FREM1: variants seen among roughly 807,000 people sequenced by gnomAD.
The protein encoded by FREM1 is FRAS1 related extracellular matrix 1, also known as FRAS1-related extracellular matrix protein 1.
In FREM1, 220 loss-of-function variants were observed where a neutral mutation model predicts 210.1. The ratio of observed to expected loss-of-function variants is 1.05; its 90% confidence interval spans 0.94 to 1.17. The LOEUF is 1.17. FREM1 is among the 50% of genes most tolerant of loss of function. The pLI, the probability that FREM1 is intolerant of heterozygous loss-of-function variation, is 0.00. For synonymous variants in FREM1, 1,189 were observed against 980.2 expected (o/e 1.21, Z -3.98); for missense variants, 3,454 against 2,675.5 (o/e 1.29, Z -6.42).
Position 14,790,256 on chromosome 9 carries a change from C to G in FREM1, c.3982-1142G>C, listed in dbSNP as rs193110178. 1.8e-3 allele frequency among the ~76,000 whole-genome samples: 269 copies of G among 152,216 alleles called. 1 individual carries two copies. Among genetic ancestry groups the G allele is most frequent in the Non-Finnish European group, 2.9e-3 (195 of 68,014 alleles). The stretch of plus-strand genomic sequence containing the variant: ...CCTGGCAAAAGAGCTTTGTCCTCCT[C>G]TCTTGCCATTGTGCTACCACTTGCC... On this transcript the variant is annotated intron_variant, in intron 22 of 36. Transcript: ENST00000380880.
chr9:14,806,115 G>T (rs1216129036), intron 18 of FREM1, among the ~76,000 whole-genome samples: 1 of 152,124 alleles, frequency 6.6e-6, no homozygotes, highest in Non-Finnish European at 1.5e-5. Context: ...TTTTCCATAA[G>T]TAAAATTCCA....
At chr9:14,895,474 G>C (rs1588640630) in intron 1 of FREM1, among the ~76,000 whole-genome samples, 1 of 152,154 alleles carries the variant, frequency 6.6e-6, no homozygotes, top group Non-Finnish European at 1.5e-5. Flanking sequence ...AAGAAGGATG[G>C]GTAATGTAAA....
At chr9:14,745,162 G>A (rs1426633199) in intron 35 of FREM1, among the ~76,000 whole-genome samples, 5 of 152,108 alleles carry the variant, frequency 3.3e-5, no homozygotes, top group Admixed American at 6.6e-5. Flanking sequence ...TCACTAATGA[G>A]TAATAGGCTT....
chr9:14,895,462 A>G (rs922902270), intron 1 of FREM1, among the ~76,000 whole-genome samples: 4 of 152,174 alleles, frequency 2.6e-5, no homozygotes, highest in Non-Finnish European at 5.9e-5. Flanking sequence ...CTCAGAAGAA[A>G]CAAGAAGGAT....
chr9:14,898,498 T>C (rs889943073), intron 1 of FREM1, among the ~76,000 whole-genome samples: 1 of 152,154 alleles, frequency 6.6e-6, no homozygotes, highest in Non-Finnish European at 1.5e-5. Flanking sequence ...TTCCAGCATT[T>C]TGGGAGGCTG....
intron 20 of FREM1, among the ~76,000 whole-genome samples, chr9:14,798,683 A>AT (rs201562478): frequency 0.021 from 3,141 of 151,896 alleles, 57 homozygotes; most frequent in South Asian, 0.036. Flanking sequence ...AATAATAACA[A>AT]TTTTTTTTGT....
chr9:14,830,476 T>C (rs1447470184), intron 10 of FREM1, among the ~76,000 whole-genome samples: 1 of 152,176 alleles, frequency 6.6e-6, no homozygotes, highest in Non-Finnish European at 1.5e-5. Flanking sequence ...TGAGAACACT[T>C]TATTTCTCAA....
At chr9:14,750,956 T>C (rs751436432) in intron 29 of FREM1, among the ~76,000 whole-genome samples, 4 of 152,162 alleles carry the variant, frequency 2.6e-5, no homozygotes, top group Non-Finnish European at 5.9e-5. Context: ...GAACTTAATA[T>C]TATACAAAAC....
intron 13 of FREM1, among the ~76,000 whole-genome samples, chr9:14,822,547 T>G (rs1420172046): frequency 1.3e-5 from 2 of 152,164 alleles, no homozygotes; most frequent in African/African-American, 4.8e-5. Context: ...CCATACTAAT[T>G]AAGCCTAGCA....
At chr9:14,751,123 T>C (rs1843296078) in intron 29 of FREM1, among the ~76,000 whole-genome samples, 1 of 152,150 alleles carries the variant, frequency 6.6e-6, no homozygotes, top group African/African-American at 2.4e-5. Context: ...GGATATCCCC[T>C]GAGTTTACTT....
intron 20 of FREM1, among the ~76,000 whole-genome samples, chr9:14,801,330 C>A (rs1020297626): frequency 6.6e-6 from 1 of 152,310 alleles, no homozygotes; most frequent in South Asian, 2.1e-4. Flanking sequence ...AGCTAATTAA[C>A]ATATGCATTA....
intron 10 of FREM1, among the ~76,000 whole-genome samples, chr9:14,830,781 T>A (rs1374789396): frequency 6.6e-6 from 1 of 152,204 alleles, no homozygotes; most frequent in Non-Finnish European, 1.5e-5. Flanking sequence ...GCCAAGACCC[T>A]TGGTGTTCCT....
chr9:14,757,672 T>C (rs746385734), intron 28 of FREM1, among the ~76,000 whole-genome samples: 1 of 152,218 alleles, frequency 6.6e-6, no homozygotes, highest in Non-Finnish European at 1.5e-5. Context: ...TGGTCAGGAA[T>C]GTGGGATAAT....
In FREM1 at chr9:14,816,762, G is replaced by C. The variant is rs779202191; in HGVS notation, c.2640+16C>G. On this transcript the variant is annotated intron_variant, in intron 15 of 36. Coordinates refer to ENST00000380880, the MANE Select transcript of FREM1 (RefSeq NM_001379081.2). ...CAGACTAAGACAATAACCCAGGGAA[G>C]AAACTTTCTACCCACCTCAACATGT... 3.6e-5 allele frequency: 49 copies of C among 1,345,082 alleles called. No individual in the cohort carries two copies. Among genetic ancestry groups the C allele is most frequent in the Admixed American group, 2.5e-4 (11 of 44,606 alleles). The allele number at this position is 1,345,082 out of a possible 1,614,324, so 83.3% of individuals were successfully genotyped here. A position where few individuals can be genotyped will look rare whatever the true frequency, so the allele number is the denominator to read the frequency against.
chr9:14,815,821 T>C (rs1393951635), intron 15 of FREM1, among the ~76,000 whole-genome samples: 2 of 152,158 alleles, frequency 1.3e-5, no homozygotes, highest in African/African-American at 2.4e-5. Flanking sequence ...ATAATTTTTG[T>C]ATTTTTAATA....
rs377578063 is a variant in FREM1 at position 14,776,221 on chromosome 9, G to C, written c.4443-18C>G. The C allele has an allele frequency of 3.4e-5, 51 of 1,510,610 alleles. No individual in the cohort carries two copies. The highest frequency in any genetic ancestry group is 4.3e-5 in the Non-Finnish European group (49 of 1,130,178). 93.6% of individuals were successfully genotyped at this position (1,510,610 alleles called of 1,614,324 possible). On this transcript the variant is annotated intron_variant, in intron 24 of 36. Coordinates refer to ENST00000380880, the MANE Select transcript of FREM1 (RefSeq NM_001379081.2). ...TGATGAATCTGGTAAAGAGAGGCAA[G>C]GCAGCCTTCAGCATGGATTCTTGTG... is the stretch of plus-strand genomic sequence containing the variant.
chr9:14,849,136 T>C (rs1274071618), intron 6 of FREM1, among the ~76,000 whole-genome samples: 3 of 152,162 alleles, frequency 2.0e-5, no homozygotes, highest in Non-Finnish European at 4.4e-5. Flanking sequence ...AGGGGTGATG[T>C]TGTCCCACTA....
chr9:14,881,655 A>G (rs1407060647), intron 1 of FREM1, among the ~76,000 whole-genome samples: 1 of 152,222 alleles, frequency 6.6e-6, no homozygotes, highest in Non-Finnish European at 1.5e-5. Context: ...TCCAATATCT[A>G]TCTCTGACAG....
At position 14,748,435 on chromosome 9, in the gene FREM1, T is replaced by A. The variant is rs1422327734; in HGVS notation, c.5762A>T (p.Gln1921Leu). ...LRGFDSTDLSQRKLRTRGNGK... is the reference protein window; with the variant it reads ...LRGFDSTDLSLRKLRTRGNGK... ...ATTCCCACGGGTCCTAAGCTTCCTT[T>A]GAGAAAGATCTGTAGAATCAAAGCC... Residue 1921 changes from glutamine (Q) to leucine (L), a missense_variant, in exon 31 of 37, where the codon CAA becomes CTA. Gln to Leu is a moderately radical substitution (Grantham distance 113). Transcript: ENST00000380880. 6.2e-7 allele frequency: 1 copy of A among 1,613,306 alleles called. No homozygotes were observed. Among genetic ancestry groups the A allele is most frequent in the East Asian group, 2.2e-5 (1 of 44,886 alleles).
Sources: allele counts gnomAD v4.1 joint callset (sites outside exome capture counted in the v4.1 genomes callset), GRCh38; gene constraint gnomAD v4.1.1; transcripts MANE v1.5; gene names NCBI Gene and HGNC (gene_info 2026-07-23, HGNC 2026-07-21).